ACYP2: variants seen among roughly 807,000 people sequenced by gnomAD.
ACYP2 encodes the protein acylphosphatase 2.
ACYP2 carries 12 observed loss-of-function variants against 11.2 expected under a neutral mutation model. The ratio of observed to expected loss-of-function variants is 1.08; its 90% confidence interval spans 0.69 to 1.74. The LOEUF (loss-of-function observed/expected upper bound fraction) is 1.74. ACYP2 is among the 40% of genes most tolerant of loss of function. ACYP2 has a pLI of 0.00. For missense variants in ACYP2, 134 were observed against 101.9 expected, an observed-to-expected ratio of 1.31 and a Z score of -1.35; for synonymous variants, 43 against 32.2, an observed-to-expected ratio of 1.33 and a Z score of -1.13.
At chr2:54,159,274 G>A (rs557764918) in intron 6 of ACYP2, among the ~76,000 whole-genome samples, 2 of 151,884 alleles carry the variant, frequency 1.3e-5, no homozygotes, top group African/African-American at 4.8e-5. Context: ...GTCACGTGAA[G>A]GTGGCATACC....
chr2:54,217,649 A>C (rs976263594), intron 6 of ACYP2, among the ~76,000 whole-genome samples: 1 of 152,184 alleles, frequency 6.6e-6, no homozygotes, highest in Non-Finnish European at 1.5e-5. Flanking sequence ...CTGAGATTAC[A>C]GGCGTGAGCC....
chr2:54,280,001 G>T (rs116792361), intron 6 of ACYP2, among the ~76,000 whole-genome samples: 2,311 of 152,244 alleles, frequency 0.015, 73 homozygotes, highest in African/African-American at 0.052. Flanking sequence ...GAAGATAAAT[G>T]CAAGTTGTGG....
At chr2:54,028,491 C>CTTTAAGT (rs1395815131) in intron 2 of ACYP2, among the ~76,000 whole-genome samples, 1 of 152,096 alleles carries the variant, frequency 6.6e-6, no homozygotes, top group Non-Finnish European at 1.5e-5. Context: ...CTGAAGTTCC[C>CTTTAAGT]TCATCTACTT....
chr2:54,201,594 C>CTTTCTTTCTTTCTTTCTTTCTT (rs57144917), intron 6 of ACYP2, among the ~76,000 whole-genome samples: 123 of 95,766 alleles, frequency 1.3e-3, no homozygotes, highest in African/African-American at 4.9e-3. Flanking sequence ...TTCTTTCTTT[C>CTTTCTTTCTTTCTTTCTTTCTT]TCTTTCTTTC....
chr2:54,286,732 ACTC>A (rs2104131243), intron 6 of ACYP2, among the ~76,000 whole-genome samples: 1 of 152,052 alleles, frequency 6.6e-6, no homozygotes, highest in African/African-American at 2.4e-5. Context: ...TTTTGATTAT[ACTC>A]CTCTCTAAAT....
intron 4 of ACYP2, among the ~76,000 whole-genome samples, chr2:54,100,600 C>A (rs1358967262): frequency 1.3e-5 from 2 of 152,064 alleles, no homozygotes; most frequent in Non-Finnish European, 2.9e-5. Context: ...CGAGTCACCA[C>A]ACCCACCCGA....
chr2:54,285,877 A>T (rs759900854), intron 6 of ACYP2, among the ~76,000 whole-genome samples: 15 of 152,198 alleles, frequency 9.9e-5, no homozygotes, highest in Non-Finnish European at 1.9e-4. Context: ...AGAATGGAGG[A>T]CAACATCCTA....
At chr2:54,255,267 CTT>C in intron 6 of ACYP2, 2 of 1,614,182 alleles carry the variant, frequency 1.2e-6, no homozygotes, top group Non-Finnish European at 1.7e-6. Context: ...GAAAGAAGAA[CTT>C]AAACTTGCAG....
chr2:54,115,816 G>T (rs1180748500), intron 4 of ACYP2, 60 bp downstream of exon 1: 1 of 1,489,624 alleles, frequency 6.7e-7, no homozygotes, highest in African/African-American at 1.5e-5. Flanking sequence ...GGAGAAAGCT[G>T]TGAGAAGCGC....
chr2:54,303,674 G>C (rs561906372), intron 6 of ACYP2, among the ~76,000 whole-genome samples: 1 of 152,280 alleles, frequency 6.6e-6, no homozygotes, highest in East Asian at 1.9e-4. Flanking sequence ...GTAATTTTCA[G>C]CTAACCTAGA....
chr2:54,019,122 G>A lies in ACYP2; in HGVS notation c.63-31836G>A, dbSNP rs534306854. ...TGCTCTGTCACCCAAGTTGGAGTGC[G>A]GTGGCACAATCATGGCTCACTGCAG... On this transcript the variant is annotated intron_variant, in intron 2 of 6. Coordinates refer to ENST00000607452, the MANE Select transcript of ACYP2 (RefSeq NM_001320586.2). 2.1e-4 allele frequency among the ~76,000 whole-genome samples: 32 copies of A among 150,956 alleles called. 1 individual carries two copies. Among genetic ancestry groups the A allele is most frequent in the Middle Eastern group, 3.4e-3 (1 of 294 alleles).
chr2:54,246,322 A>C (rs929860576), intron 6 of ACYP2, among the ~76,000 whole-genome samples: 2 of 152,122 alleles, frequency 1.3e-5, no homozygotes, highest in Admixed American at 6.5e-5. Context: ...TTAATTGCTA[A>C]ATTAGCTTAG....
At chr2:54,131,906 A>G (rs990236904) in intron 4 of ACYP2, among the ~76,000 whole-genome samples, 3 of 152,208 alleles carry the variant, frequency 2.0e-5, no homozygotes, top group African/African-American at 7.2e-5. Flanking sequence ...GGAGGGGCCC[A>G]AGAATTTTAT....
intron 4 of ACYP2, among the ~76,000 whole-genome samples, chr2:54,097,727 A>G (rs1418390316): frequency 4.6e-5 from 7 of 151,878 alleles, no homozygotes; most frequent in Admixed American, 1.3e-4. Flanking sequence ...TTTTAAAGCA[A>G]ATCTGAGACG....
chr2:54,155,047 A>G (rs1298941373), intron 6 of ACYP2, among the ~76,000 whole-genome samples: 5 of 152,152 alleles, frequency 3.3e-5, no homozygotes, highest in Admixed American at 3.3e-4. Context: ...GAATATATCC[A>G]TTTCTTCTAG....
intron 2 of ACYP2, among the ~76,000 whole-genome samples, chr2:54,035,059 G>A (rs927135797): frequency 3.1e-4 from 41 of 133,730 alleles, no homozygotes; most frequent in Non-Finnish European, 5.5e-4. Flanking sequence ...AGAGGTTTAA[G>A]AGGTTTGAGT....
chr2:54,201,682 C>CTTTCTTTCTTTCTTTCTTTCTTTCTG (rs60217019), intron 6 of ACYP2, among the ~76,000 whole-genome samples: 13 of 110,740 alleles, frequency 1.2e-4, no homozygotes, highest in Non-Finnish European at 2.0e-4. Context: ...TTCTTTCTTT[C>CTTTCTTTCTTTCTTTCTTTCTTTCTG]TCTCTCTCTC....
rs58842257 is a variant in ACYP2 at position 54,102,638 on chromosome 2, C to CAAAAAAAAAAAAAAAAAAA, written c.278-32797_278-32779dup. ...AAACCCAATTTAAGCTGGCTTAAGCCAAAAAAAAAAAAAAAAAAAAAAAAA... is the reference window on the plus strand; with the variant it reads ...AAACCCAATTTAAGCTGGCTTAAGCCAAAAAAAAAAAAAAAAAAAAAAAAAAAAAAAAAAAAAAAAAAAA... On this transcript the variant is annotated intron_variant, in intron 4 of 6. Transcript: ENST00000607452. 1.4e-4 allele frequency among the ~76,000 whole-genome samples: 12 copies of CAAAAAAAAAAAAAAAAAAA among 83,304 alleles called. 3 individuals are homozygous for CAAAAAAAAAAAAAAAAAAA. The highest frequency in any genetic ancestry group is 2.3e-4 in the African/African-American group (4 of 17,130). The allele number at this position is 83,304 out of a possible 152,430, so 54.7% of individuals were successfully genotyped here.
intron 5 of ACYP2, among the ~76,000 whole-genome samples, chr2:54,138,387 C>T (rs771559235): frequency 6.6e-6 from 1 of 152,140 alleles, no homozygotes; most frequent in Non-Finnish European, 1.5e-5. Flanking sequence ...ATAATTCTCA[C>T]TCTCAGCGTA....
Sources: allele counts gnomAD v4.1 joint callset (sites outside exome capture counted in the v4.1 genomes callset), GRCh38; gene constraint gnomAD v4.1.1; transcripts MANE v1.5; gene names NCBI Gene and HGNC (gene_info 2026-07-23, HGNC 2026-07-21).